The following RELN variants were observed in gnomAD, a reference collection of about 807,000 sequenced individuals.
The protein encoded by RELN is reelin.
RELN carries 108 observed loss-of-function variants against 427.6 expected under a neutral mutation model. The ratio of observed to expected loss-of-function variants is 0.25; its 90% CI spans 0.22 to 0.30. The LOEUF is 0.30. RELN is among the 10% of genes least tolerant of loss of function. RELN has a pLI of 1.00. For synonymous variants in RELN, 1,524 were observed against 1,513.4 expected (o/e 1.01, Z -0.16); for missense variants, 3,715 against 4,302.8 (o/e 0.86, Z 3.82).
chr7:103,955,382 A>C (rs1796412611), intron 1 of RELN, among the ~76,000 whole-genome samples: 1 of 152,234 alleles, frequency 6.6e-6, no homozygotes, highest in African/African-American at 2.4e-5. Flanking sequence ...AAAATGAGTA[A>C]AAATAAAATC....
intron 2 of RELN, among the ~76,000 whole-genome samples, chr7:103,896,771 A>G (rs987485703): frequency 6.6e-6 from 1 of 152,046 alleles, no homozygotes; most frequent in African/African-American, 2.4e-5. Flanking sequence ...TTGCTGTAAA[A>G]TTTTTTCAAT....
Position 103,515,417 on chromosome 7 carries a change from A to G in RELN, c.7887T>C (p.Pro2629=), listed in dbSNP as rs56345626. ...AGCGAGTGGCAATCTCTTTAGCATC[A>G]GGAGGGAGAAGGATATTCACAAATC... ...KPGFVNILLP[P]DAKEIATRFR... Residue 2629 remains proline (P), a synonymous_variant, in exon 50 of 65, where the codon CCT becomes CCC. Coordinates refer to ENST00000428762, the MANE Select transcript of RELN (RefSeq NM_005045.4). 0.18 allele frequency: 294,272 copies of G among 1,613,810 alleles called. 27,618 individuals are homozygous for G. Among genetic ancestry groups the G allele is most frequent in the East Asian group, 0.29 (12,878 of 44,856 alleles).
rs187085102 is a variant in RELN, at chr7:103,795,018, G to T, written c.474-18391C>A. ...GATAAATGTTTCAAATTTGGCTCAT[G>T]TCTAGGAGTTTAATTTTCTATAATA... On this transcript the variant is annotated intron_variant, in intron 3 of 64. Coordinates refer to ENST00000428762, the MANE Select transcript of RELN (RefSeq NM_005045.4). Among the ~76,000 whole-genome samples the T allele has an allele frequency of 3.8e-3, 578 of 152,268 alleles. 5 individuals carry two copies. Among genetic ancestry groups the T allele is most frequent in the African/African-American group, 0.013 (552 of 41,550 alleles).
At chr7:103,790,931 A>G (rs1040736179) in intron 3 of RELN, among the ~76,000 whole-genome samples, 2 of 152,144 alleles carry the variant, frequency 1.3e-5, no homozygotes, top group African/African-American at 4.8e-5. Context: ...ACTGCACTCC[A>G]GCCTGGGCAA....
chr7:103,782,880 T>A (rs975263542), intron 3 of RELN, among the ~76,000 whole-genome samples: 1 of 152,100 alleles, frequency 6.6e-6, no homozygotes, highest in Non-Finnish European at 1.5e-5. Flanking sequence ...GTGGGTTGCT[T>A]TTTCTATCTA....
rs531291682 is a variant in RELN, at chr7:103,716,592, G to C, written c.805+6548C>G. Reference sequence around the variant, plus strand: ...GCTTCAGAAGTCAAGAATGCAGATAGTATTCAGCACCAATGTGGAACAGTA... The same window carrying C: ...GCTTCAGAAGTCAAGAATGCAGATACTATTCAGCACCAATGTGGAACAGTA... On this transcript the variant is annotated intron_variant, in intron 8 of 64. Coordinates refer to ENST00000428762, the MANE Select transcript of RELN (RefSeq NM_005045.4). 2.7e-4 allele frequency among the ~76,000 whole-genome samples: 41 copies of C among 152,274 alleles called. 1 individual carries two copies. The highest frequency in any genetic ancestry group is 9.9e-4 in the African/African-American group (41 of 41,556).
intron 10 of RELN, among the ~76,000 whole-genome samples, chr7:103,687,410 T>C (rs1396244874): frequency 1.3e-5 from 2 of 152,296 alleles, no homozygotes; most frequent in African/African-American, 4.8e-5. Context: ...TAGAGCTATT[T>C]GATCTTGGGG....
intron 20 of RELN, among the ~76,000 whole-genome samples, chr7:103,622,339 A>T (rs1832240125): frequency 6.6e-6 from 1 of 152,194 alleles, no homozygotes; most frequent in African/African-American, 2.4e-5. Flanking sequence ...ATCTTCAAAT[A>T]GTCCATTCAT....
chr7:103,588,282 A>G (rs1831324991), intron 28 of RELN, among the ~76,000 whole-genome samples: 2 of 152,158 alleles, frequency 1.3e-5, no homozygotes, highest in African/African-American at 2.4e-5. Flanking sequence ...AAAGACAAAT[A>G]TTGCATATTC....
intron 24 of RELN, among the ~76,000 whole-genome samples, chr7:103,602,384 A>G (rs536505126): frequency 2.8e-4 from 42 of 152,348 alleles, no homozygotes; most frequent in African/African-American, 9.6e-4. Flanking sequence ...ATGCACACGT[A>G]TGTTTACTGC....
At chr7:103,523,076 T>A (rs1458102954) in intron 47 of RELN, among the ~76,000 whole-genome samples, 1 of 152,232 alleles carries the variant, frequency 6.6e-6, no homozygotes, top group East Asian at 1.9e-4. Flanking sequence ...GGTCAGAACT[T>A]ACTGAACTCC....
At chr7:103,891,057 G>A (rs1794838733) in intron 2 of RELN, among the ~76,000 whole-genome samples, 1 of 152,050 alleles carries the variant, frequency 6.6e-6, no homozygotes, top group African/African-American at 2.4e-5. Context: ...ACTCCAGCCT[G>A]AACAACAGAG....
rs1205421654 is a variant in RELN at position 103,472,780 on chromosome 7, G to A, written c.*32C>T. 2.0e-6 allele frequency: 3 copies of A among 1,508,858 alleles called. No homozygotes were observed. The allele number at this position is 1,508,858 out of a possible 1,614,324, so 93.5% of individuals were successfully genotyped here. A position where few individuals can be genotyped will look rare whatever the true frequency, so the allele number is the denominator to read the frequency against. On this transcript the variant is annotated 3_prime_UTR_variant, in exon 65 of 65. Transcript: ENST00000428762. ...AAGAATGGAGAGCAACACATCACAT[G>A]TTGGAAGAAAAAAAATAAACTTTTT...
chr7:103,978,282 C>CT (rs1438905843), intron 1 of RELN, among the ~76,000 whole-genome samples: 1 of 150,308 alleles, frequency 6.7e-6, no homozygotes, highest in Non-Finnish European at 1.5e-5. Flanking sequence ...ATGAGTTCAA[C>CT]TTTTTTCAGA....
At chr7:103,843,223 GAGACAGGGTCTTGCTCTGTC>G (rs1793596929) in intron 2 of RELN, among the ~76,000 whole-genome samples, 1 of 151,052 alleles carries the variant, frequency 6.6e-6, no homozygotes, top group African/African-American at 2.4e-5. Context: ...TTTTTTTTAG[GAGACAGGGTCTTGCTCTGTC>G]ACCTAGGCTC....
At chr7:103,972,035 T>C (rs1796774119) in intron 1 of RELN, among the ~76,000 whole-genome samples, 1 of 152,144 alleles carries the variant, frequency 6.6e-6, no homozygotes, top group Admixed American at 6.5e-5. Flanking sequence ...ATCACGCCAC[T>C]GTACTCCAGC....
chr7:103,659,517 T>G (rs1313571438), intron 12 of RELN, among the ~76,000 whole-genome samples: 1 of 152,142 alleles, frequency 6.6e-6, no homozygotes, highest in Non-Finnish European at 1.5e-5. Flanking sequence ...TGTGCCCTTT[T>G]TTCATAATGG....
chr7:103,740,614 A>AT (rs959628535), intron 6 of RELN, among the ~76,000 whole-genome samples: 3 of 152,138 alleles, frequency 2.0e-5, no homozygotes, highest in Non-Finnish European at 4.4e-5. Flanking sequence ...TATGTTCCTC[A>AT]TTTTTTATGT....
intron 3 of RELN, among the ~76,000 whole-genome samples, chr7:103,794,283 C>T (rs1792243135): frequency 6.6e-6 from 1 of 152,140 alleles, no homozygotes; most frequent in African/African-American, 2.4e-5. Flanking sequence ...GGCTCGAAAA[C>T]TACTAGTCTG....
Sources: allele counts gnomAD v4.1 joint callset (sites outside exome capture counted in the v4.1 genomes callset), GRCh38; gene constraint gnomAD v4.1.1; transcripts MANE v1.5; gene names NCBI Gene and HGNC (gene_info 2026-07-23, HGNC 2026-07-21).